Variants in ETV3 observed in about 807,000 individuals in gnomAD.
The protein encoded by ETV3 is ETS variant transcription factor 3.
In ETV3, 8 loss-of-function variants were observed where a neutral mutation model predicts 33.0. The ratio of observed to expected loss-of-function variants is 0.24; its 90% CI spans 0.14 to 0.44. ETV3 has a LOEUF of 0.44. Ranked by LOEUF, ETV3 falls within the 20% of genes least tolerant of loss-of-function variation. ETV3 has a pLI of 1.00. For missense variants in ETV3, 473 were observed against 652.3 expected, an observed-to-expected ratio of 0.73 and a Z score of 2.99; for synonymous variants, 222 against 238.9, an observed-to-expected ratio of 0.93 and a Z score of 0.65.
In ETV3 at chr1:157,125,859, A is replaced by G. The variant is rs1008051818; in HGVS notation, c.521T>C (p.Leu174Pro). 3.7e-5 allele frequency: 57 copies of G among 1,551,582 alleles called. No individual in the cohort carries two copies. The highest frequency in any genetic ancestry group is 4.9e-5 in the Non-Finnish European group (56 of 1,147,000). The change falls in exon 5 of 5, where the codon CTA becomes CCA. Residue 174 changes from leucine (L) to proline (P), a missense_variant. This residue lies in a region of ETV3 where 410 missense variants were observed against 520.2 expected (regional missense o/e 0.79). Coordinates refer to ENST00000368192, the MANE Select transcript of ETV3 (RefSeq NM_001145312.3). The surrounding 1 kb of genome is among the most constrained non-coding windows in gnomAD (Gnocchi z 4.0). ...VQPGRFSASS[L>P]TASGQESSNG... ...ACTGGACTCCTGGCCAGAAGCAGTT[A>G]GGGAGCTAGCAGAGAACCGTCCCGG... is the stretch of plus-strand genomic sequence containing the variant.
At chr1:157,135,801 G>C (rs1675095453) in intron 2 of ETV3, 93 bp from the exon 3 acceptor site, 2 of 1,291,376 alleles carry the variant, frequency 1.5e-6, no homozygotes, top group Non-Finnish European at 2.2e-6. Flanking sequence ...TCAGAATCTA[G>C]AGTGCTTTGC....
At chr1:157,128,862 G>A (rs1406630925) in intron 4 of ETV3, among the ~76,000 whole-genome samples, 2 of 152,144 alleles carry the variant, frequency 1.3e-5, no homozygotes, top group East Asian at 3.9e-4. Context: ...GAATTTTAAC[G>A]GTAATTCCGA....
chr1:157,137,509 A>AACACACAC (rs10567825), intron 1 of ETV3, among the ~76,000 whole-genome samples: 54 of 145,088 alleles, frequency 3.7e-4, no homozygotes, highest in South Asian at 1.6e-3. Context: ...GACAAGGAAA[A>AACACACAC]ACACACACAC....
chr1:157,127,313 T>C (rs1674865591), intron 4 of ETV3, among the ~76,000 whole-genome samples: 1 of 152,230 alleles, frequency 6.6e-6, no homozygotes, highest in Non-Finnish European at 1.5e-5. Context: ...TACCAAGTGT[T>C]TTATCATTCC....
chr1:157,134,158 G>A lies in ETV3; in HGVS notation c.354C>T (p.Asn118=), dbSNP rs139827367. Residue 118 remains asparagine (N), a synonymous_variant, in exon 4 of 5, where the codon AAC becomes AAT. Transcript: ENST00000368192. ...ATGGGTAGTTGGGCATCACCAGCTT[G>A]TTGAAGTTAAATTTATAGGTAAATC... ...GKRFTYKFNF[N]KLVMPNYPFI... is the part of the protein sequence containing the mutation. The A allele has an allele frequency of 8.1e-4, 1,304 of 1,614,002 alleles. 1 individual carries two copies. Among genetic ancestry groups the A allele is most frequent in the Non-Finnish European group, 1.0e-3 (1,189 of 1,179,932 alleles).
At chr1:157,135,426 C>T in intron 3 of ETV3, 45 bp downstream of exon 3, 3 of 1,604,822 alleles carry the variant, frequency 1.9e-6, no homozygotes, top group Non-Finnish European at 2.6e-6. Flanking sequence ...ACAGCTTAGT[C>T]TCCTTCCAAT....
rs1232066376 is a variant in ETV3, at chr1:157,125,024, C to T, written c.1356G>A (p.Glu452=). Residue 452 remains glutamate (E), a synonymous_variant, in exon 5 of 5, where the codon GAG becomes GAA. Transcript: ENST00000368192. The surrounding 1 kb of genome is among the most constrained non-coding windows in gnomAD (Gnocchi z 4.0). ...CACTGGGCTCTTTGCCAGGCCTATC[C>T]TCACTGTCTTCAGTCACCTCCAGAG... ...GEPLEVTEDS[E]DRPGKEPSAP... 3 of 1,551,354 alleles carry T rather than the reference C, an allele frequency of 1.9e-6. No homozygotes were observed. Among genetic ancestry groups the T allele is most frequent in the Admixed American group, 2.0e-5 (1 of 50,964 alleles).
Position 157,134,103 on chromosome 1 carries a change from G to A in ETV3, c.400+9C>T. 1 of 1,610,890 alleles carries A rather than the reference G, an allele frequency of 6.2e-7. No homozygotes were observed. Among genetic ancestry groups the A allele is most frequent in the Non-Finnish European group, 8.5e-7 (1 of 1,179,158 alleles). The stretch of plus-strand genomic sequence containing the variant: ...AATTAATTCCCTACCAAAAGAGTTT[G>A]TATCTTACCACTTGACCGAATGTTG... On this transcript the variant is annotated intron_variant, in intron 4 of 4. Transcript: ENST00000368192.
rs1333302480 is a variant in ETV3, at chr1:157,123,278, G to T, written c.*1563C>A. The T allele has an allele frequency of 2.6e-5, 4 of 152,196 alleles. No homozygotes were observed. Among genetic ancestry groups the T allele is most frequent in the African/African-American group, 9.7e-5 (4 of 41,444 alleles). The allele number at this position is 152,196 out of a possible 1,614,324, so 9.4% of individuals were successfully genotyped here. ...CACATGTGCAAACACAAAGAAGGTG[G>T]GCTGCTGCTTCTTTCTCTCTGCCCC... On this transcript the variant is annotated 3_prime_UTR_variant, in exon 5 of 5. Transcript: ENST00000368192.
chr1:157,128,054 T>C (rs1379563261), intron 4 of ETV3, among the ~76,000 whole-genome samples: 1 of 152,118 alleles, frequency 6.6e-6, no homozygotes, highest in African/African-American at 2.4e-5. Context: ...ATTTTAAGTA[T>C]AGTGATCTAG....
Position 157,124,809 on chromosome 1 carries a change from TAG to T in ETV3, c.*30_*31del. 7.0e-7 allele frequency: 1 copy of T among 1,420,712 alleles called. No individual in the cohort carries two copies. The highest frequency in any genetic ancestry group is 9.2e-7 in the Non-Finnish European group (1 of 1,084,100). The allele number at this position is 1,420,712 out of a possible 1,614,324, so 88.0% of individuals were successfully genotyped here. On this transcript the variant is annotated 3_prime_UTR_variant, in exon 5 of 5. Coordinates refer to ENST00000368192, the MANE Select transcript of ETV3 (RefSeq NM_001145312.3). Reference sequence around the variant, plus strand: ...ATAAATACATGTATGTATTTGATTATAGTATAAACAGCTCCTAATCCACTTCC... The same window carrying T: ...ATAAATACATGTATGTATTTGATTATTATAAACAGCTCCTAATCCACTTCC...
rs11348539 is a variant in ETV3, at chr1:157,124,238, C to CAAAAAAAAAAAAAAAA, written c.*587_*602dup. On this transcript the variant is annotated 3_prime_UTR_variant, in exon 5 of 5. Coordinates refer to ENST00000368192, the MANE Select transcript of ETV3 (RefSeq NM_001145312.3). ...GAAAAAAATGCCAAACAACACCAACCAAAAAAAAAAAAAAAAAAAAAAGAA... is the reference window on the plus strand; with the variant it reads ...GAAAAAAATGCCAAACAACACCAACCAAAAAAAAAAAAAAAAAAAAAAAAAAAAAAAAAAAAAAGAA... 2 of 67,688 alleles carry CAAAAAAAAAAAAAAAA rather than the reference C, an allele frequency of 3.0e-5. No individual in the cohort carries two copies. The highest frequency in any genetic ancestry group is 1.6e-4 in the Admixed American group (1 of 6,284). 4.2% of individuals were successfully genotyped at this position (67,688 alleles called of 1,614,324 possible).
chr1:157,128,640 T>G (rs946291787), intron 4 of ETV3: 3 of 211,938 alleles, frequency 1.4e-5, no homozygotes, highest in Non-Finnish European at 3.0e-5. Flanking sequence ...GCAGACTTGA[T>G]AGATTATCTC....
At chr1:157,128,359 A>T in intron 4 of ETV3, 1 of 186,160 alleles carries the variant, frequency 5.4e-6, no homozygotes. Flanking sequence ...GAGAGAATTA[A>T]ATACGGGTGA....
At chr1:157,127,014 G>T (rs1674855836) in intron 4 of ETV3, among the ~76,000 whole-genome samples, 1 of 151,958 alleles carries the variant, frequency 6.6e-6, no homozygotes, top group Non-Finnish European at 1.5e-5. Flanking sequence ...GGGCAGAGCT[G>T]CCCTGGCTGA....
chr1:157,137,977 G>A (rs1675162684), intron 1 of ETV3, among the ~76,000 whole-genome samples: 1 of 152,208 alleles, frequency 6.6e-6, no homozygotes, highest in South Asian at 2.1e-4. Context: ...TCCCCGAAGA[G>A]TGAGGCATGC....
Position 157,134,183 on chromosome 1 carries a change from C to A in ETV3, c.329G>T (p.Arg110Ile). Residue 110 changes from arginine to isoleucine, a missense_variant, in exon 4 of 5, where the codon AGA (arginine) becomes ATA (isoleucine). Transcript: ENST00000368192. ...KRILHKTKGK[R>I]FTYKFNFNKL... Reference sequence around the variant, plus strand: ...GTTGAAGTTAAATTTATAGGTAAATCTTTTCCCTTTTGTTTTATGAAGGAT... The same window carrying A: ...GTTGAAGTTAAATTTATAGGTAAATATTTTCCCTTTTGTTTTATGAAGGAT... The A allele has an allele frequency of 6.2e-7, 1 of 1,613,826 alleles. No individual in the cohort carries two copies. The highest frequency in any genetic ancestry group is 2.2e-5 in the East Asian group (1 of 44,866).
chr1:157,121,717 G>T lies in ETV3; in HGVS notation c.*3124C>A, dbSNP rs1674713247. 6.6e-6 allele frequency: 1 copy of T among 152,098 alleles called. No individual in the cohort carries two copies. 9.4% of individuals were successfully genotyped at this position (152,098 alleles called of 1,614,324 possible). A position where few individuals can be genotyped will look rare whatever the true frequency, so the allele number is the denominator to read the frequency against. ...TAATTATGGAATAAATAAAAAACAA[G>T]GGACAAACAGCCAACTGACTCTACC... On this transcript the variant is annotated 3_prime_UTR_variant, in exon 5 of 5. Transcript: ENST00000368192.
chr1:157,135,765 G>A, intron 2 of ETV3, 57 bp from the exon 3 acceptor site: 1 of 1,495,310 alleles, frequency 6.7e-7, no homozygotes, highest in Non-Finnish European at 9.3e-7. Context: ...ATACATACCA[G>A]CAACCCCAAC....
Sources: allele counts gnomAD v4.1 joint callset (sites outside exome capture counted in the v4.1 genomes callset), GRCh38; gene constraint gnomAD v4.1.1; regional missense constraint gnomAD v4.1.1; non-coding constraint Gnocchi (gnomAD v3.1); transcripts MANE v1.5; gene names NCBI Gene and HGNC (gene_info 2026-07-23, HGNC 2026-07-21).